The following MPHOSPH8 variants were observed in gnomAD, a reference collection of about 807,000 sequenced individuals.
The protein encoded by MPHOSPH8 is M-phase phosphoprotein 8.
Under a neutral mutation model 87.3 loss-of-function variants are expected in MPHOSPH8, and 45 were observed. The ratio of observed to expected loss-of-function variants is 0.52; its 90% CI spans 0.41 to 0.66. The LOEUF (loss-of-function observed/expected upper bound fraction) is 0.66. MPHOSPH8 is among the 30% of genes least tolerant of loss of function. MPHOSPH8 has a pLI of 0.00. For synonymous variants in MPHOSPH8, 366 were observed against 376.9 expected, an observed-to-expected ratio of 0.97 and a Z score of 0.33; for missense variants, 883 against 1,020.2, an observed-to-expected ratio of 0.87 and a Z score of 1.83.
chr13:19,647,436 C>T (rs1874628836), intron 3 of MPHOSPH8, 145 bp downstream of exon 3: 5 of 639,108 alleles, frequency 7.8e-6, no homozygotes, highest in South Asian at 2.5e-5. Flanking sequence ...TTGGACACCG[C>T]AGCTTATCTC....
intron 9 of MPHOSPH8, among the ~76,000 whole-genome samples, chr13:19,665,486 C>T (rs1322457146): frequency 2.0e-5 from 3 of 152,172 alleles, no homozygotes; most frequent in African/African-American, 4.8e-5. Flanking sequence ...GTGGGCCACT[C>T]GCTCTGTCCC....
At chr13:19,654,005 C>A (rs1163437109) in intron 5 of MPHOSPH8, among the ~76,000 whole-genome samples, 2 of 152,146 alleles carry the variant, frequency 1.3e-5, no homozygotes, top group African/African-American at 4.8e-5. Context: ...TCCAGGAGAA[C>A]CTCCCCAACC....
chr13:19,652,268 G>C (rs934590965), intron 5 of MPHOSPH8, among the ~76,000 whole-genome samples: 34 of 152,346 alleles, frequency 2.2e-4, no homozygotes, highest in African/African-American at 8.2e-4. Flanking sequence ...AGTGGGTGCA[G>C]CCCACGGAGG....
At chr13:19,642,062 T>A in intron 1 of MPHOSPH8, 53 bp from the exon 2 acceptor site, 129 of 706,394 alleles carry the variant, frequency 1.8e-4, no homozygotes, top group Middle Eastern at 4.8e-4. Flanking sequence ...TTTTTGGAAA[T>A]TTAATCAAGT....
chr13:19,645,801 T>A (rs1565934946), intron 2 of MPHOSPH8, among the ~76,000 whole-genome samples: 1 of 152,084 alleles, frequency 6.6e-6, no homozygotes, highest in Non-Finnish European at 1.5e-5. Flanking sequence ...CCAAGTCATT[T>A]AGGATAAGGT....
chr13:19,645,058 G>C (rs1874495277), intron 2 of MPHOSPH8, among the ~76,000 whole-genome samples: 1 of 152,014 alleles, frequency 6.6e-6, no homozygotes, highest in Admixed American at 6.6e-5. Context: ...CTCCTTGTGG[G>C]GCTTGGTCCT....
At chr13:19,656,488 G>A (rs142470472) in intron 5 of MPHOSPH8, among the ~76,000 whole-genome samples, 1,690 of 152,192 alleles carry the variant, frequency 0.011, 12 homozygotes, top group Non-Finnish European at 0.015. Flanking sequence ...GGCCGGGCGC[G>A]GTGGCTCACA....
chr13:19,666,617 A>G, intron 10 of MPHOSPH8, 38 bp downstream of exon 10: 1 of 1,533,594 alleles, frequency 6.5e-7, no homozygotes, highest in Non-Finnish European at 8.9e-7. Flanking sequence ...TAAGTCACAT[A>G]TCATACATCT....
At position 19,661,685 on chromosome 13, in the gene MPHOSPH8, C is replaced by T; in HGVS notation, c.1792-13C>T. ...AAAGATTAACACGTTTTTTATTTAA[C>T]AAACCAACACAGGATTCCAGTGGAA... On this transcript the variant is annotated splice_polypyrimidine_tract_variant and intron_variant, in intron 7 of 13. Coordinates refer to ENST00000361479, the MANE Select transcript of MPHOSPH8 (RefSeq NM_017520.4). The T allele has an allele frequency of 2.5e-6, 4 of 1,572,354 alleles. No homozygotes were observed. Among genetic ancestry groups the T allele is most frequent in the Non-Finnish European group, 3.5e-6 (4 of 1,155,616 alleles).
At chr13:19,654,902 G>A (rs561577758) in intron 5 of MPHOSPH8, among the ~76,000 whole-genome samples, 2 of 151,608 alleles carry the variant, frequency 1.3e-5, no homozygotes, top group South Asian at 4.2e-4. Context: ...GAGCTGAGAT[G>A]AAACCATTGC....
chr13:19,665,923 G>T lies in MPHOSPH8; in HGVS notation c.2020-502G>T, dbSNP rs1240809786. Among the ~76,000 whole-genome samples the T allele has an allele frequency of 2.0e-5, 3 of 152,190 alleles. No individual in the cohort carries two copies. In the East Asian group the frequency reaches 5.8e-4, roughly 29 times the overall value. ...CTGTGCTTGGGTTGTCTCCTTTAAA[G>T]CGGCAGCTGGGGACATTTCGAGGGT... On this transcript the variant is annotated intron_variant, in intron 9 of 13. Transcript: ENST00000361479.
intron 7 of MPHOSPH8, among the ~76,000 whole-genome samples, chr13:19,660,235 T>G (rs1463807599): frequency 1.3e-5 from 2 of 152,022 alleles, no homozygotes; most frequent in African/African-American, 2.4e-5. Flanking sequence ...CCCAAAGTGC[T>G]GGGATTACAG....
intron 2 of MPHOSPH8, among the ~76,000 whole-genome samples, chr13:19,643,170 G>A (rs76882932): frequency 0.016 from 2,408 of 152,166 alleles, 145 homozygotes; most frequent in East Asian, 0.13. Context: ...TTACAGTTAC[G>A]GAAAGATAGG....
chr13:19,641,942 T>C (rs1361581582), intron 1 of MPHOSPH8, among the ~76,000 whole-genome samples, 173 bp from the exon 2 acceptor site: 1 of 152,136 alleles, frequency 6.6e-6, no homozygotes, highest in Non-Finnish European at 1.5e-5. Context: ...GTCAATACTT[T>C]TTTTCTTAAG....
intron 1 of MPHOSPH8, among the ~76,000 whole-genome samples, chr13:19,634,805 A>G (rs1273359516): frequency 1.3e-5 from 2 of 152,218 alleles, no homozygotes; most frequent in South Asian, 2.1e-4. Context: ...TAAGAAAACA[A>G]TCTGTTTCAG....
In MPHOSPH8 at chr13:19,670,317, T is replaced by C; in HGVS notation, c.2411T>C (p.Val804Ala). Residue 804 changes from valine to alanine, a missense_variant, in exon 12 of 14, where the codon GTA becomes GCA. This residue lies in a region of MPHOSPH8 where 741 missense variants were observed against 841.5 expected (regional missense o/e 0.88). Coordinates refer to ENST00000361479, the MANE Select transcript of MPHOSPH8 (RefSeq NM_017520.4). Reference sequence around the variant, plus strand: ...GCTCGGCTCTGTGGACCGTGTAGTGTACAAGCTGTAGTTCTGAATGATAAA... The same window carrying C: ...GCTCGGCTCTGTGGACCGTGTAGTGCACAAGCTGTAGTTCTGAATGATAAA... ...VIARLCGPCS[V>A]QAVVLNDKFQ... 4 of 1,614,186 alleles carry C rather than the reference T, an allele frequency of 2.5e-6. No homozygotes were observed. Among genetic ancestry groups the C allele is most frequent in the Non-Finnish European group, 3.4e-6 (4 of 1,179,974 alleles).
At position 19,673,177 on chromosome 13, in the gene MPHOSPH8, A is replaced by G. The variant is rs932746701; in HGVS notation, c.*1302A>G. 2 of 451,418 alleles carry G rather than the reference A, an allele frequency of 4.4e-6. No homozygotes were observed. The highest frequency in any genetic ancestry group is 4.0e-5 in the African/African-American group (2 of 49,504). 28.0% of individuals were successfully genotyped at this position (451,418 alleles called of 1,614,324 possible). A position where few individuals can be genotyped will look rare whatever the true frequency, so the allele number is the denominator to read the frequency against. On this transcript the variant is annotated 3_prime_UTR_variant, in exon 14 of 14. Transcript: ENST00000361479. ...GAAGATGGGGCTTAGGTAACAGCCA[A>G]ACCTGGCTGTCAGCTGTGTGGGAGC... is the stretch of plus-strand genomic sequence containing the variant.
rs1876209188 is a variant in MPHOSPH8, at chr13:19,672,784, G to A, written c.*909G>A. The A allele has an allele frequency of 4.4e-6, 1 of 229,286 alleles. No homozygotes were observed. Among genetic ancestry groups the A allele is most frequent in the Non-Finnish European group, 8.9e-6 (1 of 112,960 alleles). 14.2% of individuals were successfully genotyped at this position (229,286 alleles called of 1,614,324 possible). ...GTAAGAATGTAAACCAGTACACTAT[G>A]AGACCTAAAAGAGAGTATTAAATGT... On this transcript the variant is annotated 3_prime_UTR_variant, in exon 14 of 14. Coordinates refer to ENST00000361479, the MANE Select transcript of MPHOSPH8 (RefSeq NM_017520.4).
chr13:19,633,982 G>A, intron 1 of MPHOSPH8, 21 bp downstream of exon 1: 1 of 1,590,164 alleles, frequency 6.3e-7, no homozygotes, highest in Non-Finnish European at 8.6e-7. Context: ...GGGCCCCGGC[G>A]CGGGGCTGGG....
Sources: gnomAD v4.1 joint callset for allele counts (sites outside exome capture counted in the v4.1 genomes callset) on GRCh38, gnomAD v4.1.1 for gene constraint, gnomAD v4.1.1 regional missense constraint, MANE v1.5 for transcripts, NCBI Gene and HGNC (gene_info 2026-07-23, HGNC 2026-07-21) for gene names.